PLB1: variants seen among roughly 807,000 people sequenced by gnomAD.
PLB1 encodes phospholipase B1.
Under a neutral mutation model 227.4 loss-of-function variants are expected in PLB1, and 242 were observed. The observed-to-expected ratio is 1.06, with a 90% CI of 0.96 to 1.18. The LOEUF is 1.18. Ranked by LOEUF, PLB1 falls within the 50% of genes most tolerant of loss-of-function variation. The pLI, the probability that PLB1 is intolerant of heterozygous loss-of-function variation, is 0.00. For synonymous variants in PLB1, 757 were observed against 682.2 expected (o/e 1.11, Z -1.71); for missense variants, 1,858 against 1,816.3 (o/e 1.02, Z -0.42).
At chr2:28,628,980 C>T in intron 52 of PLB1, 114 bp from the exon 53 acceptor site, 2 of 843,236 alleles carry the variant, frequency 2.4e-6, no homozygotes, top group Non-Finnish European at 3.7e-6. Flanking sequence ...CTCTCTGGGC[C>T]TCAGTTTCTT....
intron 21 of PLB1, 26 bp from the exon 22 acceptor site, chr2:28,578,081 G>C (rs1679295688): frequency 6.2e-7 from 1 of 1,612,802 alleles, no homozygotes. Flanking sequence ...ACTCCTCACA[G>C]CACTTCCTCT....
At position 28,582,484 on chromosome 2, in the gene PLB1, A is replaced by G; in HGVS notation, c.1712A>G (p.Tyr571Cys). The change falls in exon 25 of 58, where the codon TAC (tyrosine) becomes TGC (cysteine). Residue 571 changes from tyrosine (Y) to cysteine (C), a missense_variant. By Grantham distance (194) the Tyr-to-Cys change is radical. Coordinates refer to ENST00000327757, the MANE Select transcript of PLB1 (RefSeq NM_153021.5). ...LRELYQEKKVYCPRMILRSLC... is the reference protein window; with the variant it reads ...LRELYQEKKVCCPRMILRSLC... ...GAGCTGTACCAGGAGAAAAAAGTCT[A>G]CTGCCCAAGGATGATCCTCAGGTCA... The G allele has an allele frequency of 1.9e-6, 3 of 1,609,890 alleles. No individual in the cohort carries two copies. Among genetic ancestry groups the G allele is most frequent in the Non-Finnish European group, 2.5e-6 (3 of 1,177,778 alleles).
chr2:28,576,544 A>G (rs1573094517), intron 21 of PLB1, among the ~76,000 whole-genome samples: 1 of 152,192 alleles, frequency 6.6e-6, no homozygotes, highest in Non-Finnish European at 1.5e-5. Context: ...AGTCTGGCCA[A>G]CATGGTGAAA....
Position 28,598,186 on chromosome 2 carries a change from T to C in PLB1, c.2365+138T>C, listed in dbSNP as rs1314398494. 4 of 719,926 alleles carry C rather than the reference T, an allele frequency of 5.6e-6. No homozygotes were observed. The Admixed American group carries it at 9.2e-5, about 17-fold the overall frequency. 44.6% of individuals were successfully genotyped at this position (719,926 alleles called of 1,614,324 possible). On this transcript the variant is annotated intron_variant, in intron 34 of 57. Coordinates refer to ENST00000327757, the MANE Select transcript of PLB1 (RefSeq NM_153021.5). ...CATTTAAGTAGGAGACAGGAGGCTA[T>C]GAAAAAGCAGCCGAGGCAGGTAAAA... is the stretch of plus-strand genomic sequence containing the variant.
chr2:28,567,463 C>CTCTT (rs1677171113), intron 20 of PLB1, among the ~76,000 whole-genome samples: 1 of 131,844 alleles, frequency 7.6e-6, no homozygotes, highest in African/African-American at 3.2e-5. Context: ...GGAATGATTT[C>CTCTT]TTTCTCTTTT....
At chr2:28,529,496 C>T in intron 7 of PLB1, 89 bp downstream of exon 7, 1 of 1,163,562 alleles carries the variant, frequency 8.6e-7, no homozygotes, top group Non-Finnish European at 1.3e-6. Flanking sequence ...CTGGCAAAGT[C>T]AAAGAGGCTT....
In PLB1 at chr2:28,542,994, C is replaced by T. The variant is rs80002674; in HGVS notation, c.880-218C>T. Reference sequence around the variant, plus strand: ...AGAACCCCATGATGACATGGAGCTGCCTGACGTGCCACCTGCTCCTGCAGG... The same window carrying T: ...AGAACCCCATGATGACATGGAGCTGTCTGACGTGCCACCTGCTCCTGCAGG... On this transcript the variant is annotated intron_variant, in intron 13 of 57. Transcript: ENST00000327757. 1.4e-3 allele frequency among the ~76,000 whole-genome samples: 211 copies of T among 152,300 alleles called. 2 individuals carry two copies. In the East Asian group the frequency reaches 0.038, roughly 28 times the overall value.
At chr2:28,610,001 G>A (rs1553456013) in intron 43 of PLB1, among the ~76,000 whole-genome samples, 1 of 152,142 alleles carries the variant, frequency 6.6e-6, no homozygotes, top group Non-Finnish European at 1.5e-5. Context: ...TTAGACTTCT[G>A]TGGATGCAAT....
intron 17 of PLB1, among the ~76,000 whole-genome samples, chr2:28,554,489 C>CTTTTTTT (rs536476788): frequency 0.015 from 1,248 of 85,244 alleles, 127 homozygotes; most frequent in African/African-American, 0.033. Context: ...CCACACCTGC[C>CTTTTTTT]TTTTTTTTTT....
At position 28,597,095 on chromosome 2, in the gene PLB1, C is replaced by T. The variant is rs560030870; in HGVS notation, c.2322-910C>T. ...TGGCTAACACGGTGGAACCCCATCT[C>T]TACTAAAAAACAGAAAAAATTAGCT... On this transcript the variant is annotated intron_variant, in intron 33 of 57. Transcript: ENST00000327757. Among the ~76,000 whole-genome samples the T allele has an allele frequency of 2.2e-4, 34 of 152,110 alleles. No individual in the cohort carries two copies. In the South Asian group the frequency reaches 5.4e-3, roughly 24 times the overall value.
intron 6 of PLB1, among the ~76,000 whole-genome samples, chr2:28,527,964 G>A (rs61178348): frequency 0.038 from 5,830 of 152,292 alleles, 157 homozygotes; most frequent in Middle Eastern, 0.075. Flanking sequence ...TGCTGTCCCT[G>A]TAAACCTGAA....
intron 33 of PLB1, among the ~76,000 whole-genome samples, chr2:28,597,392 T>C (rs1159633258): frequency 1.3e-5 from 2 of 151,646 alleles, no homozygotes; most frequent in African/African-American, 4.8e-5. Context: ...ATAGAAATAG[T>C]ACTTGTCTTC....
intron 16 of PLB1, among the ~76,000 whole-genome samples, chr2:28,552,075 A>C (rs1181413722): frequency 1.3e-5 from 2 of 152,248 alleles, no homozygotes; most frequent in Non-Finnish European, 2.9e-5. Flanking sequence ...AGAGAAATAG[A>C]CAAGTCAACA....
intron 49 of PLB1, among the ~76,000 whole-genome samples, chr2:28,622,453 C>A (rs968501104): frequency 2.0e-5 from 3 of 152,200 alleles, no homozygotes; most frequent in African/African-American, 7.2e-5. Flanking sequence ...ACCAAAAAAG[C>A]AGTACAGTAC....
chr2:28,556,118 C>G (rs1183696064), intron 17 of PLB1, among the ~76,000 whole-genome samples: 2 of 152,170 alleles, frequency 1.3e-5, no homozygotes, highest in African/African-American at 4.8e-5. Flanking sequence ...CTACCTCAGC[C>G]TCCCATAGTG....
chr2:28,559,375 T>A (rs35944372), intron 17 of PLB1, among the ~76,000 whole-genome samples: 1 of 152,092 alleles, frequency 6.6e-6, no homozygotes, highest in South Asian at 2.1e-4. Flanking sequence ...GCAGGCTCAA[T>A]TGGAGGACCG....
chr2:28,601,469 C>CAACA (rs141173438), intron 37 of PLB1, 137 bp downstream of exon 37: 20 of 600,176 alleles, frequency 3.3e-5, no homozygotes, highest in African/African-American at 3.0e-4. Flanking sequence ...TATACACATA[C>CAACA]CACACACACA....
chr2:28,566,888 A>G (rs1263036154), intron 20 of PLB1, 49 bp downstream of exon 20: 14 of 1,606,278 alleles, frequency 8.7e-6, no homozygotes, highest in African/African-American at 1.3e-5. Flanking sequence ...CGGCCCCTGC[A>G]CGCTTCCCGC....
At chr2:28,543,173 G>A (rs1160351114) in intron 13 of PLB1, 39 bp from the exon 14 acceptor site, 2 of 1,580,446 alleles carry the variant, frequency 1.3e-6, no homozygotes, top group South Asian at 2.3e-5. Flanking sequence ...GCATTCCTGG[G>A]GAGACAAAAG....
Sources: gnomAD v4.1 joint callset for allele counts (sites outside exome capture counted in the v4.1 genomes callset) on GRCh38, gnomAD v4.1.1 for gene constraint, MANE v1.5 for transcripts, NCBI Gene and HGNC (gene_info 2026-07-23, HGNC 2026-07-21) for gene names.